The following RAB37 variants were observed in gnomAD, a reference collection of about 807,000 sequenced individuals.
RAB37 encodes RAB37, member RAS oncogene family.
Under a neutral mutation model 33.1 loss-of-function variants are expected in RAB37, and 29 were observed. That is an observed-to-expected ratio of 0.88 (90% CI 0.65 to 1.20). The LOEUF (loss-of-function observed/expected upper bound fraction) is 1.20, where lower values mean the gene tolerates loss of function less well. RAB37 is among the 50% of genes most tolerant of loss of function. The pLI, the probability that RAB37 is intolerant of heterozygous loss-of-function variation, is 0.00. For missense variants in RAB37, 299 were observed against 301.1 expected (o/e 0.99, Z 0.05); for synonymous variants, 128 against 119.5 (o/e 1.07, Z -0.47).
In RAB37 at chr17:74,696,448, C is replaced by A. The variant is rs564071141; in HGVS notation, c.72+24790C>A. 2.6e-5 allele frequency among the ~76,000 whole-genome samples: 4 copies of A among 152,336 alleles called. No individual in the cohort carries two copies. The South Asian group carries it at 6.2e-4, about 24-fold the overall frequency. On this transcript the variant is annotated intron_variant, in intron 1 of 7. Transcript: ENST00000340415. ...AGGAAAAGAGGGACACCCCAGCCCC[C>A]TGCTCCCCACATCATAGAACTGTGC...
At chr17:74,733,952 C>G (rs1420017291), upstream of RAB37, among the ~76,000 whole-genome samples, 4 of 152,158 alleles carry the variant, frequency 2.6e-5, 1 homozygote, top group Non-Finnish European at 5.9e-5. Context: ...TTCCCTAGGT[C>G]AGATTCCTCC....
At chr17:74,685,720 C>A (rs1235751895) in intron 1 of RAB37, among the ~76,000 whole-genome samples, 1 of 152,190 alleles carries the variant, frequency 6.6e-6, no homozygotes, top group Non-Finnish European at 1.5e-5. Flanking sequence ...GGACTGGAAG[C>A]TCCCCCAAAC....
rs572280688 is a variant in RAB37, at chr17:74,738,254, C to G, written c.93+889C>G. 6.6e-6 allele frequency among the ~76,000 whole-genome samples: 1 copy of G among 152,178 alleles called. No homozygotes were observed. Among genetic ancestry groups the G allele is most frequent in the Non-Finnish European group, 1.5e-5 (1 of 68,032 alleles). On this transcript the variant is annotated intron_variant, in intron 1 of 8. Transcript: ENST00000392613. This position sits in a 1 kb window ranked among gnomAD's most constrained non-coding sequence, Gnocchi z 5.0. ...TGAAGGAGACCTGCCTCTCTCTGGG[C>G]CTCGGTTTCCTCCCCGACACCAGGG...
At chr17:74,711,011 C>T (rs553632846) in intron 1 of RAB37, among the ~76,000 whole-genome samples, 75 of 152,260 alleles carry the variant, frequency 4.9e-4, no homozygotes, top group African/African-American at 1.6e-3. Context: ...CACACTCCAG[C>T]CTAGGCAACA....
intron 1 of RAB37, among the ~76,000 whole-genome samples, chr17:74,721,723 C>G (rs1299159446): frequency 6.6e-6 from 1 of 152,196 alleles, no homozygotes; most frequent in East Asian, 1.9e-4. Context: ...GCCACCACGC[C>G]TGGTCCTCTT....
intron 5 of RAB37, among the ~76,000 whole-genome samples, chr17:74,743,724 G>C (rs2034678614): frequency 6.6e-6 from 1 of 152,206 alleles, no homozygotes; most frequent in African/African-American, 2.4e-5. Flanking sequence ...CAGTCAGACA[G>C]AGTGAGTGGT....
chr17:74,698,280 G>A, intron 1 of RAB37: 2 of 923,410 alleles, frequency 2.2e-6, no homozygotes, highest in South Asian at 1.5e-5. Context: ...CTGATTGTGT[G>A]GGTAATCCCT....
At chr17:74,674,215 CAGGCATGTGCCACCA>C (rs998843970) in intron 1 of RAB37, among the ~76,000 whole-genome samples, 3 of 152,110 alleles carry the variant, frequency 2.0e-5, no homozygotes, top group African/African-American at 7.2e-5. Flanking sequence ...ACTGGAACTG[CAGGCATGTGCCACCA>C]TGCCTGGCTA....
At chr17:74,707,466 G>A (rs570950368) in intron 1 of RAB37, among the ~76,000 whole-genome samples, 1 of 152,304 alleles carries the variant, frequency 6.6e-6, no homozygotes, top group East Asian at 1.9e-4. Flanking sequence ...TGTAATTCCA[G>A]CACTTTGGGA....
intron 1 of RAB37, among the ~76,000 whole-genome samples, chr17:74,717,336 G>T (rs1316969585): frequency 6.6e-6 from 1 of 152,142 alleles, no homozygotes; most frequent in African/African-American, 2.4e-5. Context: ...CACAGGCAAA[G>T]CTTATTTCTG....
At chr17:74,716,550 G>A (rs553900342) in intron 1 of RAB37, among the ~76,000 whole-genome samples, 2 of 152,246 alleles carry the variant, frequency 1.3e-5, no homozygotes, top group Admixed American at 1.3e-4. Context: ...AAATCTAGAG[G>A]AAAGGTGATG....
At chr17:74,717,448 C>G (rs1377239861) in intron 1 of RAB37, among the ~76,000 whole-genome samples, 1 of 152,128 alleles carries the variant, frequency 6.6e-6, no homozygotes, top group Non-Finnish European at 1.5e-5. Context: ...CGAGGTTGAG[C>G]CTTTGGAGAG....
chr17:74,712,911 G>A, intron 1 of RAB37: 7 of 1,601,852 alleles, frequency 4.4e-6, no homozygotes, highest in Middle Eastern at 1.7e-4. Context: ...GAGCCTGGCA[G>A]CAGGAACAAA....
chr17:74,675,292 G>A (rs142543731), intron 1 of RAB37, among the ~76,000 whole-genome samples: 8,349 of 151,942 alleles, frequency 0.055, 266 homozygotes, highest in South Asian at 0.082. Flanking sequence ...AAAATTAGCC[G>A]GGGGTGGTGG....
At chr17:74,711,132 A>G (rs1430634338) in intron 1 of RAB37, among the ~76,000 whole-genome samples, 2 of 152,172 alleles carry the variant, frequency 1.3e-5, no homozygotes, top group Non-Finnish European at 2.9e-5. Flanking sequence ...ATTATTTAGA[A>G]GAGGGAAACA....
intron 1 of RAB37, among the ~76,000 whole-genome samples, chr17:74,715,333 C>T (rs143453191): frequency 4.8e-4 from 73 of 152,268 alleles, no homozygotes; most frequent in African/African-American, 1.7e-3. Context: ...AGCTGATAAG[C>T]CATGGCTTTT....
rs139183334 is a variant in RAB37, at chr17:74,727,043, TC to T, written c.73-2211del. On this transcript the variant is annotated intron_variant, in intron 1 of 7. Transcript: ENST00000340415. ...TTCTTTCAAACATTTCATCTGAACT[TC>T]CAAGCTAATTATCGCCCCTTCTCCC... Among the ~76,000 whole-genome samples the T allele has an allele frequency of 2.0e-3, 300 of 152,326 alleles. 6 individuals carry two copies. The East Asian group carries it at 0.02, about 10-fold the overall frequency.
In RAB37 at chr17:74,710,853, C is replaced by T. The variant is rs531611719; in HGVS notation, c.73-18403C>T. 7.9e-5 allele frequency among the ~76,000 whole-genome samples: 12 copies of T among 150,978 alleles called. No individual in the cohort carries two copies. The South Asian group carries it at 2.1e-3, about 26-fold the overall frequency. On this transcript the variant is annotated intron_variant, in intron 1 of 7. Transcript: ENST00000340415. ...CTGCACTCCAGCCTGAGTGACAGAG[C>T]GAGACTCTGTCTCAAAAAAAAAAAC...
chr17:74,712,075 C>T (rs1250285507), intron 1 of RAB37, among the ~76,000 whole-genome samples: 2 of 151,768 alleles, frequency 1.3e-5, no homozygotes, highest in African/African-American at 4.8e-5. Context: ...CCATACCTGG[C>T]TAATTTTTGT....
Sources: gnomAD v4.1 joint callset for allele counts (sites outside exome capture counted in the v4.1 genomes callset) on GRCh38, gnomAD v4.1.1 for gene constraint, Gnocchi (gnomAD v3.1) non-coding constraint, MANE v1.5 for transcripts, NCBI Gene and HGNC (gene_info 2026-07-23, HGNC 2026-07-21) for gene names.